The following TMEM74 variants were observed in gnomAD, a reference collection of about 807,000 sequenced individuals.
TMEM74 encodes transmembrane protein 74.
TMEM74 carries 13 observed loss-of-function variants against 18.1 expected under a neutral mutation model. The observed-to-expected ratio is 0.72, with a 90% CI of 0.47 to 1.14. The LOEUF is 1.14. Among genes scored for constraint, TMEM74 ranks in the 50% most tolerant of loss-of-function variants. The probability of loss-of-function intolerance (pLI) is 0.00; values close to 1 mark genes in which losing one functional copy is unlikely to be tolerated. For missense variants in TMEM74, 372 were observed against 375.9 expected (o/e 0.99, Z 0.09); for synonymous variants, 159 against 146.6 (o/e 1.08, Z -0.61).
At position 108,780,409 on chromosome 8, in the gene TMEM74, T is replaced by C. The variant is rs901354636; in HGVS notation, c.*3772A>G. Among the ~76,000 whole-genome samples, 1 of 151,206 alleles carries C rather than the reference T, an allele frequency of 6.6e-6. No individual in the cohort carries two copies. Among genetic ancestry groups the C allele is most frequent in the Non-Finnish European group, 1.5e-5 (1 of 67,734 alleles). On this transcript the variant is annotated 3_prime_UTR_variant, in exon 2 of 2. Coordinates refer to ENST00000297459, the MANE Select transcript of TMEM74 (RefSeq NM_153015.3). ...AGAATTTTTGCTTGTCAGAAGGTGG[T>C]AAAAAAAAATAGAGCCATTGGGTTC...
rs181883071 is a variant in TMEM74 at position 108,706,002 on chromosome 8, G to C, written n.120-50565C>G. ...ACAGCAGAGCCCCAGCCACTTCAGA[G>C]AATTCTGAATCCTGTTGCCTAAATT... is the stretch of plus-strand genomic sequence containing the variant. On this transcript the variant is annotated intron_variant and non_coding_transcript_variant, in intron 1 of 3. Transcript: ENST00000518838. Among the ~76,000 whole-genome samples, 4 of 152,318 alleles carry C rather than the reference G, an allele frequency of 2.6e-5. No homozygotes were observed. The East Asian group carries it at 7.7e-4, about 29-fold the overall frequency.
intron 1 of TMEM74, among the ~76,000 whole-genome samples, chr8:108,767,588 A>G (rs1814123622): frequency 6.6e-6 from 1 of 152,176 alleles, no homozygotes; most frequent in Non-Finnish European, 1.5e-5. Flanking sequence ...TTGTGTCAAG[A>G]AGTGTTTCTC....
intron 1 of TMEM74, among the ~76,000 whole-genome samples, chr8:108,690,375 G>T (rs1813213243): frequency 7.1e-6 from 1 of 140,386 alleles, no homozygotes; most frequent in African/African-American, 2.7e-5. Context: ...TTACAATACT[G>T]TTTTTTTTTG....
intron 1 of TMEM74, among the ~76,000 whole-genome samples, chr8:108,680,041 A>G (rs1482241091): frequency 1.3e-5 from 2 of 152,208 alleles, no homozygotes; most frequent in Non-Finnish European, 2.9e-5. Context: ...TTGTGGCAAT[A>G]ATCAATAGCT....
At chr8:108,658,249 T>A (rs1812865503) in intron 1 of TMEM74, among the ~76,000 whole-genome samples, 1 of 152,074 alleles carries the variant, frequency 6.6e-6, no homozygotes, top group Non-Finnish European at 1.5e-5. Flanking sequence ...AGTCCATGTT[T>A]CAAACTGGTA....
intron 1 of TMEM74, among the ~76,000 whole-genome samples, chr8:108,785,426 A>G (rs1814373280): frequency 6.6e-6 from 1 of 152,198 alleles, no homozygotes; most frequent in Non-Finnish European, 1.5e-5. Context: ...TCACCAAGCC[A>G]AATTTATTCA....
chr8:108,663,740 A>G (rs1208881769), intron 1 of TMEM74, among the ~76,000 whole-genome samples: 2 of 152,216 alleles, frequency 1.3e-5, no homozygotes, highest in African/African-American at 4.8e-5. Context: ...CTGGATAAAT[A>G]AAATGTGGTA....
rs150738441 is a variant in TMEM74 at position 108,754,083 on chromosome 8, C to T, written n.119+33393G>A. ...TCTGAAGCTTATACATTGGGAACCTCTTCTCCACAGAATATAATACACATC... is the reference window on the plus strand; with the variant it reads ...TCTGAAGCTTATACATTGGGAACCTTTTCTCCACAGAATATAATACACATC... On this transcript the variant is annotated intron_variant and non_coding_transcript_variant, in intron 1 of 3. Transcript: ENST00000518838. 6.5e-3 allele frequency among the ~76,000 whole-genome samples: 986 copies of T among 152,192 alleles called. 30 individuals carry two copies. Among genetic ancestry groups the T allele is most frequent in the Admixed American group, 0.052 (787 of 15,254 alleles).
chr8:108,617,565 G>A (rs185455169), intron 2 of TMEM74, among the ~76,000 whole-genome samples: 1 of 151,946 alleles, frequency 6.6e-6, no homozygotes, highest in Non-Finnish European at 1.5e-5. Flanking sequence ...AAGGCTTCTT[G>A]GTTTTATAGG....
intron 1 of TMEM74, among the ~76,000 whole-genome samples, chr8:108,691,365 A>G (rs546138408): frequency 6.6e-6 from 1 of 152,356 alleles, no homozygotes; most frequent in South Asian, 2.1e-4. Context: ...AGGGTTCAAC[A>G]TGTGCCTGAA....
intron 1 of TMEM74, among the ~76,000 whole-genome samples, chr8:108,729,820 C>T (rs1008557176): frequency 6.6e-6 from 1 of 152,172 alleles, no homozygotes; most frequent in African/African-American, 2.4e-5. Flanking sequence ...AAATGGAAGT[C>T]ATTTTCTTAG....
intron 1 of TMEM74, among the ~76,000 whole-genome samples, chr8:108,702,389 C>T (rs1773136721): frequency 6.9e-6 from 1 of 143,972 alleles, no homozygotes; most frequent in South Asian, 2.3e-4. Context: ...AATAAACCAA[C>T]ACAAATTTGG....
downstream of TMEM74, among the ~76,000 whole-genome samples, chr8:108,777,544 G>C (rs980098527): frequency 2.0e-5 from 3 of 151,936 alleles, no homozygotes; most frequent in East Asian, 1.9e-4. Context: ...TTATAGGAAG[G>C]GTTCCTTATT....
At chr8:108,668,796 C>CT (rs1241585562) in intron 1 of TMEM74, among the ~76,000 whole-genome samples, 3 of 152,082 alleles carry the variant, frequency 2.0e-5, no homozygotes, top group African/African-American at 7.2e-5. Flanking sequence ...ACATTAAAAA[C>CT]TTTTTTGTCA....
chr8:108,772,173 GA>G (rs113477042), intron 1 of TMEM74, among the ~76,000 whole-genome samples: 9,450 of 152,132 alleles, frequency 0.062, 799 homozygotes, highest in African/African-American at 0.19. Context: ...TGTCCAGGTG[GA>G]ATTCATTGTT....
rs553010251 is a variant in TMEM74, at chr8:108,727,625, C to A, written n.119+59851G>T. Among the ~76,000 whole-genome samples, 9 of 152,204 alleles carry A rather than the reference C, an allele frequency of 5.9e-5. No homozygotes were observed. The South Asian group carries it at 1.9e-3, about 32-fold the overall frequency. On this transcript the variant is annotated intron_variant and non_coding_transcript_variant, in intron 1 of 3. Transcript: ENST00000518838. ...TTTCATAGATATATAAGTAGAGGTG[C>A]TGGGAAAGCAGTTTGATATGAGCCA... is the stretch of plus-strand genomic sequence containing the variant.
At chr8:108,711,243 G>A (rs1813472128) in intron 1 of TMEM74, among the ~76,000 whole-genome samples, 1 of 152,260 alleles carries the variant, frequency 6.6e-6, no homozygotes, top group South Asian at 2.1e-4. Flanking sequence ...TTATTAAGTG[G>A]CCAGCTGGAG....
At chr8:108,710,472 A>C (rs1052216547) in intron 1 of TMEM74, among the ~76,000 whole-genome samples, 1 of 152,194 alleles carries the variant, frequency 6.6e-6, no homozygotes, top group Admixed American at 6.5e-5. Context: ...AACTAAGCCA[A>C]CTGTTATGGC....
chr8:108,626,456 G>A (rs1812494438), intron 2 of TMEM74: 1 of 152,016 alleles, frequency 6.6e-6, no homozygotes. Flanking sequence ...TGTTTGCCAT[G>A]TAACAATCAT....
Sources: gnomAD v4.1 joint callset for allele counts (sites outside exome capture counted in the v4.1 genomes callset) on GRCh38, gnomAD v4.1.1 for gene constraint, MANE v1.5 for transcripts, NCBI Gene and HGNC (gene_info 2026-07-23, HGNC 2026-07-21) for gene names.